ADAM10: variants seen among roughly 807,000 people sequenced by gnomAD.
ADAM10 encodes ADAM metallopeptidase domain 10.
In ADAM10, 17 loss-of-function variants were observed where a neutral mutation model predicts 90.1. The observed-to-expected ratio is 0.19, with a 90% CI of 0.13 to 0.28. The LOEUF (loss-of-function observed/expected upper bound fraction) is 0.28, where lower values mean the gene tolerates loss of function less well. Among genes scored for constraint, ADAM10 ranks in the 10% least tolerant of loss-of-function variants. The pLI is 1.00. For missense variants in ADAM10, 610 were observed against 914.3 expected (o/e 0.67, Z 4.29); for synonymous variants, 310 against 298.6 (o/e 1.04, Z -0.40).
At chr15:58,620,160 C>T (rs567518245) in intron 11 of ADAM10, among the ~76,000 whole-genome samples, 2 of 151,876 alleles carry the variant, frequency 1.3e-5, no homozygotes, top group African/African-American at 4.8e-5. Context: ...ATATACAGAC[C>T]AGCCGTTTAA....
At chr15:58,729,357 T>A (rs1344270347) in intron 1 of ADAM10, among the ~76,000 whole-genome samples, 1 of 152,234 alleles carries the variant, frequency 6.6e-6, no homozygotes, top group Non-Finnish European at 1.5e-5. Context: ...ATTTTACAAT[T>A]TTCTGAACAC....
chr15:58,719,934 T>G (rs4238331), intron 1 of ADAM10, among the ~76,000 whole-genome samples: 95,436 of 151,940 alleles, frequency 0.63, 30,721 homozygotes, highest in Middle Eastern at 0.72. Context: ...CAATAAATTA[T>G]CCATCATCAT....
intron 2 of ADAM10, among the ~76,000 whole-genome samples, chr15:58,696,462 C>CTTTT (rs1430575266): frequency 5.0e-5 from 7 of 139,292 alleles, no homozygotes; most frequent in African/African-American, 8.4e-5. Context: ...TTTTTTCTTT[C>CTTTT]TTTCTTTTTT....
chr15:58,648,455 G>A (rs530779930), intron 5 of ADAM10, among the ~76,000 whole-genome samples: 1 of 152,164 alleles, frequency 6.6e-6, no homozygotes, highest in African/African-American at 2.4e-5. Context: ...CTTAGCTAAT[G>A]GTGAAGTTTT....
chr15:58,637,258 G>A (rs1243471319), intron 8 of ADAM10, among the ~76,000 whole-genome samples: 1 of 152,162 alleles, frequency 6.6e-6, no homozygotes, highest in African/African-American at 2.4e-5. Context: ...TTCACAAATA[G>A]AGGAGTACTG....
intron 1 of ADAM10, among the ~76,000 whole-genome samples, chr15:58,741,480 T>C (rs1351342013): frequency 6.6e-6 from 1 of 152,166 alleles, no homozygotes; most frequent in African/African-American, 2.4e-5. Flanking sequence ...TCCCAAGTAT[T>C]AGCATGCAAA....
intron 5 of ADAM10, among the ~76,000 whole-genome samples, chr15:58,655,881 G>C (rs1320714987): frequency 1.3e-5 from 2 of 148,696 alleles, no homozygotes; most frequent in Non-Finnish European, 3.0e-5. Flanking sequence ...TGAGTAGCTG[G>C]GATTACAGAT....
chr15:58,749,401 G>C, intron 1 of ADAM10, 79 bp downstream of exon 1: 1 of 1,320,634 alleles, frequency 7.6e-7, no homozygotes, highest in Non-Finnish European at 9.7e-7. Context: ...CACGCCGCGA[G>C]GCGCGACTGG....
chr15:58,744,470 T>C (rs528838209), intron 1 of ADAM10, among the ~76,000 whole-genome samples: 3 of 152,290 alleles, frequency 2.0e-5, no homozygotes, highest in African/African-American at 4.8e-5. Context: ...GTTGGAAATA[T>C]TGCTACAACT....
intron 2 of ADAM10, chr15:58,691,340 C>T (rs1243252926): frequency 1.9e-5 from 21 of 1,092,816 alleles, no homozygotes; most frequent in East Asian, 7.2e-5. Flanking sequence ...GCACACAGTA[C>T]TCATCAATGG....
intron 1 of ADAM10, chr15:58,733,168 T>C (rs111950143): frequency 1.3e-5 from 2 of 152,266 alleles, no homozygotes; most frequent in African/African-American, 4.8e-5. Flanking sequence ...TGTTGTCTCA[T>C]TGTTCAAAAT....
At chr15:58,657,025 T>C (rs1566982947) in intron 5 of ADAM10, among the ~76,000 whole-genome samples, 2 of 152,246 alleles carry the variant, frequency 1.3e-5, no homozygotes, top group Non-Finnish European at 2.9e-5. Flanking sequence ...CACTCTCTCC[T>C]GGCCTGTAAA....
intron 3 of ADAM10, among the ~76,000 whole-genome samples, chr15:58,681,386 T>C (rs1400398531): frequency 3.3e-5 from 5 of 152,212 alleles, no homozygotes; most frequent in African/African-American, 1.2e-4. Context: ...AATGCCTCAT[T>C]TATCTGGCAC....
At chr15:58,692,096 T>C in intron 2 of ADAM10, 1 of 486,216 alleles carries the variant, frequency 2.1e-6, no homozygotes, top group Non-Finnish European at 4.1e-6. Flanking sequence ...AAAGCCGACA[T>C]ACTCTGGCAT....
Position 58,729,398 on chromosome 15 carries a change from C to A in ADAM10, c.56-11671G>T, listed in dbSNP as rs59962817. ...CTTGTTAATTCAAACTGTTTTTCAG[C>A]GACTAACAGCATAGGTATCTCCGGG... On this transcript the variant is annotated intron_variant, in intron 1 of 15. Coordinates refer to ENST00000260408, the MANE Select transcript of ADAM10 (RefSeq NM_001110.4). Among the ~76,000 whole-genome samples, 1,030 of 152,206 alleles carry A rather than the reference C, an allele frequency of 6.8e-3. 35 individuals are homozygous for A. The East Asian group carries it at 0.084, about 12-fold the overall frequency.
At chr15:58,615,050 A>G (rs955323074) in intron 11 of ADAM10, among the ~76,000 whole-genome samples, 2 of 152,110 alleles carry the variant, frequency 1.3e-5, no homozygotes, top group Non-Finnish European at 2.9e-5. Flanking sequence ...CGAGGCAGGC[A>G]GATCACGAGG....
intron 2 of ADAM10, among the ~76,000 whole-genome samples, chr15:58,709,223 C>T (rs1304627004): frequency 1.3e-5 from 2 of 152,140 alleles, no homozygotes; most frequent in South Asian, 4.1e-4. Context: ...TTATAAGGAG[C>T]TTAACCACTT....
intron 4 of ADAM10, among the ~76,000 whole-genome samples, chr15:58,678,470 T>A (rs887525569): frequency 7.2e-5 from 11 of 152,186 alleles, no homozygotes; most frequent in African/African-American, 2.7e-4. Flanking sequence ...TCAAGAGCTA[T>A]ATAAATTAGA....
At chr15:58,613,343 C>T (rs184743889) in intron 11 of ADAM10, among the ~76,000 whole-genome samples, 5 of 152,158 alleles carry the variant, frequency 3.3e-5, no homozygotes, top group East Asian at 1.9e-4. Context: ...TTAGATGAGA[C>T]GACTGTTCCA....
Sources: allele counts gnomAD v4.1 joint callset (sites outside exome capture counted in the v4.1 genomes callset), GRCh38; gene constraint gnomAD v4.1.1; transcripts MANE v1.5; gene names NCBI Gene and HGNC (gene_info 2026-07-23, HGNC 2026-07-21).